PEX5: variants seen among roughly 807,000 people sequenced by gnomAD.
PEX5 encodes PTS1 receptor.
Under a neutral mutation model 82.9 loss-of-function variants are expected in PEX5, and 52 were observed. That is an observed-to-expected ratio of 0.63 (90% CI 0.50 to 0.79). The LOEUF (loss-of-function observed/expected upper bound fraction) is 0.79. Among genes scored for constraint, PEX5 ranks in the 30% least tolerant of loss-of-function variants. The pLI is 0.00. For synonymous variants in PEX5, 300 were observed against 318.8 expected (o/e 0.94, Z 0.63); for missense variants, 719 against 815.2 (o/e 0.88, Z 1.44).
At chr12:7,208,157 C>A in intron 12 of PEX5, 77 bp downstream of exon 12, 1 of 1,089,700 alleles carries the variant, frequency 9.2e-7, no homozygotes, top group Non-Finnish European at 1.4e-6. Flanking sequence ...AAGCCCAGAC[C>A]TGGATCCTTG....
intron 12 of PEX5, 77 bp from the exon 13 acceptor site, chr12:7,208,380 G>A: frequency 1.9e-6 from 2 of 1,067,680 alleles, no homozygotes; most frequent in Non-Finnish European, 1.4e-6. Context: ...TCAAAGCTTG[G>A]CTTGGATCCC....
intron 12 of PEX5, 51 bp from the exon 13 acceptor site, chr12:7,208,406 G>T (rs1456549574): frequency 1.4e-6 from 2 of 1,391,910 alleles, no homozygotes; most frequent in South Asian, 1.2e-5. Flanking sequence ...GCTCACATGT[G>T]CCAGTGTCAG....
At chr12:7,215,783 T>C (rs1945759915), downstream of PEX5, among the ~76,000 whole-genome samples, 1 of 152,104 alleles carries the variant, frequency 6.6e-6, no homozygotes, top group Non-Finnish European at 1.5e-5. Flanking sequence ...TTGGGTACTA[T>C]GCTCACTCTT....
chr12:7,207,740 G>T lies in PEX5; in HGVS notation c.1048G>T (p.Asp350Tyr). ...EEGLRRLQEG[D>Y]LPNAVLLFEA... is the part of the protein sequence containing the mutation. ...AGGGCTGCGGCGCCTTCAGGAGGGG[G>T]ACCTGCCAAATGCTGTGCTGCTTTT... The change falls in exon 11 of 16, where the codon GAC becomes TAC. Residue 350 changes from aspartate to tyrosine, a missense_variant. Coordinates refer to ENST00000675855, the MANE Select transcript of PEX5 (RefSeq NM_001351132.2). 1 of 1,614,108 alleles carries T rather than the reference G, an allele frequency of 6.2e-7. No individual in the cohort carries two copies. Among genetic ancestry groups the T allele is most frequent in the South Asian group, 1.1e-5 (1 of 91,084 alleles).
rs1212699265 is a variant in PEX5 at position 7,196,073 on chromosome 12, A to G, written c.449-2938A>G. Reference sequence around the variant, plus strand: ...ATACATTTTACATTATATATAATGTATATATAATGTATTTCTTATGTTATA... The same window carrying G: ...ATACATTTTACATTATATATAATGTGTATATAATGTATTTCTTATGTTATA... On this transcript the variant is annotated intron_variant, in intron 5 of 15. Transcript: ENST00000675855. Among the ~76,000 whole-genome samples the G allele has an allele frequency of 6.9e-5, 10 of 145,406 alleles. No individual in the cohort carries two copies. In the Admixed American group the frequency reaches 7.0e-4, roughly 10 times the overall value.
chr12:7,190,386 G>A lies in PEX5; in HGVS notation c.9G>A (p.Met3Ile). ...GAGAGCTGGCGGTCACCATGGCAAT[G>A]CGGGAGCTGGTGGAGGCCGAATGCG... MA[M>I]RELVEAECGG... is the part of the protein sequence containing the mutation. Residue 3 changes from methionine (M) to isoleucine (I), a missense_variant, in exon 2 of 16, where the codon ATG becomes ATA. By Grantham distance (10) the Met-to-Ile change is conservative. Transcript: ENST00000675855. 1.2e-6 allele frequency: 2 copies of A among 1,614,204 alleles called. No individual in the cohort carries two copies. Among genetic ancestry groups the A allele is most frequent in the Non-Finnish European group, 1.7e-6 (2 of 1,180,038 alleles).
Position 7,207,813 on chromosome 12 carries a change from C to T in PEX5, c.1110+11C>T, listed in dbSNP as rs1214830979. ...CCTAAGCACATGGAAGTGAGTGACT[C>T]CATAGTCTCATTTCTGGCTAGAGAC... is the stretch of plus-strand genomic sequence containing the variant. On this transcript the variant is annotated intron_variant, in intron 11 of 15. Coordinates refer to ENST00000675855, the MANE Select transcript of PEX5 (RefSeq NM_001351132.2). 3 of 1,613,678 alleles carry T rather than the reference C, an allele frequency of 1.9e-6. No homozygotes were observed. The highest frequency in any genetic ancestry group is 1.1e-5 in the South Asian group (1 of 91,066).
upstream of PEX5, chr12:7,189,609 C>T (rs182354256): frequency 2.8e-3 from 806 of 287,410 alleles, 5 homozygotes; most frequent in African/African-American, 0.016. Flanking sequence ...TTTCAGACAG[C>T]TTCCGCTGGG....
intron 13 of PEX5, 139 bp from the exon 14 acceptor site, chr12:7,208,866 T>C: frequency 3.2e-6 from 3 of 932,854 alleles, no homozygotes; most frequent in East Asian, 2.4e-5. Context: ...GGCTTCTATA[T>C]TGGACTTTGA....
In PEX5 at chr12:7,211,146, G is replaced by A. The variant is rs187844547; in HGVS notation, c.*923G>A. Reference sequence around the variant, plus strand: ...CAGATTTCTAGCAAATAGGTTCAGTGTTACCATAAGCCTTTGCTGTACTTC... The same window carrying A: ...CAGATTTCTAGCAAATAGGTTCAGTATTACCATAAGCCTTTGCTGTACTTC... On this transcript the variant is annotated 3_prime_UTR_variant, in exon 16 of 16. Transcript: ENST00000675855. 9 of 152,866 alleles carry A rather than the reference G, an allele frequency of 5.9e-5. No individual in the cohort carries two copies. The highest frequency in any genetic ancestry group is 2.1e-4 in the South Asian group (1 of 4,832). The allele number at this position is 152,866 out of a possible 1,614,324, so 9.5% of individuals were successfully genotyped here.
rs1374555547 is a variant in PEX5 at position 7,190,896 on chromosome 12, G to A, written c.156G>A (p.Lys52=). The stretch of plus-strand genomic sequence containing the variant: ...CTGTCTTTCTCTCTTAGGCCTCCAA[G>A]CCTTTGGGAGTAGCTTCTGAAGATG... ...PGAPASEAAS[K]PLGVASEDEL... is the part of the protein sequence containing the mutation. The change falls in exon 3 of 16, where the codon AAG becomes AAA. Residue 52 remains lysine (K), a synonymous_variant. Transcript: ENST00000675855. 19 of 1,613,474 alleles carry A rather than the reference G, an allele frequency of 1.2e-5. No homozygotes were observed. The highest frequency in any genetic ancestry group is 8.9e-5 in the East Asian group (4 of 44,902).
Position 7,210,876 on chromosome 12 carries a change from T to C in PEX5, c.*653T>C, listed in dbSNP as rs1591812705. ...GGTCCTCAGGAGCTGCCAGGGCCAA[T>C]TGCTACAGAGTGTCTGGGTGTGTGG... On this transcript the variant is annotated 3_prime_UTR_variant, in exon 16 of 16. Coordinates refer to ENST00000675855, the MANE Select transcript of PEX5 (RefSeq NM_001351132.2). 5.9e-6 allele frequency: 1 copy of C among 169,242 alleles called. No individual in the cohort carries two copies. Among genetic ancestry groups the C allele is most frequent in the Non-Finnish European group, 1.3e-5 (1 of 76,834 alleles). 10.5% of individuals were successfully genotyped at this position (169,242 alleles called of 1,614,324 possible). A position where few individuals can be genotyped will look rare whatever the true frequency, so the allele number is the denominator to read the frequency against.
chr12:7,193,400 AT>A (rs1177241200), intron 5 of PEX5, among the ~76,000 whole-genome samples: 1 of 151,940 alleles, frequency 6.6e-6, no homozygotes, highest in Non-Finnish European at 1.5e-5. Context: ...TGCCCGGCTA[AT>A]TTTGGTATTT....
Position 7,209,772 on chromosome 12 carries a change from G to C in PEX5, c.1650G>C (p.Glu550Asp). The change falls in exon 15 of 16, where the codon GAG becomes GAC. Residue 550 changes from glutamate (E) to aspartate (D), a missense_variant. Transcript: ENST00000675855. Reference protein sequence around the residue: ...EAVAAYRRALELQPGYIRSRY... With the variant: ...EAVAAYRRALDLQPGYIRSRY... Reference sequence around the variant, plus strand: ...TAGCTGCGTACCGCCGGGCCCTCGAGCTCCAGCCTGGCTATATCCGGTCCC... The same window carrying C: ...TAGCTGCGTACCGCCGGGCCCTCGACCTCCAGCCTGGCTATATCCGGTCCC... 6.2e-7 allele frequency: 1 copy of C among 1,614,180 alleles called. No individual in the cohort carries two copies. The highest frequency in any genetic ancestry group is 2.2e-5 in the East Asian group (1 of 44,876).
intron 1 of PEX5, 167 bp from the exon 2 acceptor site, chr12:7,190,195 C>T (rs1469626346): frequency 3.5e-5 from 54 of 1,545,240 alleles, no homozygotes; most frequent in Non-Finnish European, 4.5e-5. Flanking sequence ...GAGTACCGAC[C>T]TCCCTCGAAC....
intron 5 of PEX5, among the ~76,000 whole-genome samples, chr12:7,194,631 T>A (rs1334919199): frequency 6.6e-6 from 1 of 152,236 alleles, no homozygotes; most frequent in Non-Finnish European, 1.5e-5. Context: ...ATCTTCTGGG[T>A]CAAATAATTC....
Position 7,190,493 on chromosome 12 carries a change from C to T in PEX5, c.116C>T (p.Pro39Leu), listed in dbSNP as rs1940830894. 2.5e-6 allele frequency: 4 copies of T among 1,613,544 alleles called. No individual in the cohort carries two copies. The highest frequency in any genetic ancestry group is 1.1e-5 in the South Asian group (1 of 91,052). The change falls in exon 2 of 16, where the codon CCC (proline) becomes CTC (leucine). Residue 39 changes from proline (P) to leucine (L), a missense_variant. Physicochemically the swap from Pro to Leu is moderately conservative, Grantham distance 98. Coordinates refer to ENST00000675855, the MANE Select transcript of PEX5 (RefSeq NM_001351132.2). ...CGGCAGGAGGGATTGAGGCCTGGCC[C>T]CTGGCCCCCCGGAGCCCCGGCCTCT... is the stretch of plus-strand genomic sequence containing the variant. ...ALRQEGLRPG[P>L]WPPGAPASEA...
chr12:7,197,505 A>G (rs976129197), intron 5 of PEX5, among the ~76,000 whole-genome samples: 3 of 134,082 alleles, frequency 2.2e-5, no homozygotes, highest in Admixed American at 8.4e-5. Flanking sequence ...TATGTTATAT[A>G]TAATGTAATA....
At position 7,208,668 on chromosome 12, in the gene PEX5, G is replaced by C. The variant is rs911679147; in HGVS notation, c.1393G>C (p.Asp465His). 9.3e-6 allele frequency: 15 copies of C among 1,608,150 alleles called. No individual in the cohort carries two copies. The highest frequency in any genetic ancestry group is 1.3e-5 in the African/African-American group (1 of 74,802). ...GCGTATCCTGGGATCTCTCTTGTCT[G>C]AGTGAGTATGAGGGGTTCCTAGGAT... ...SKRILGSLLS[D>H]SLFLEVKELF... The change falls in exon 13 of 16, where the codon GAC becomes CAC. Residue 465 changes from aspartate (D) to histidine (H), a missense_variant and splice_region_variant. By Grantham distance (81) the Asp-to-His change is moderately conservative (BLOSUM62 -1). Transcript: ENST00000675855.
Sources: allele counts gnomAD v4.1 joint callset (sites outside exome capture counted in the v4.1 genomes callset), GRCh38; gene constraint gnomAD v4.1.1; transcripts MANE v1.5; gene names NCBI Gene and HGNC (gene_info 2026-07-23, HGNC 2026-07-21).